PCDHA2: variants seen among roughly 807,000 people sequenced by gnomAD.
PCDHA2 encodes the protein protocadherin alpha-2.
Under a neutral mutation model 66.0 loss-of-function variants are expected in PCDHA2, and 58 were observed. That is an observed-to-expected ratio of 0.88 (90% CI 0.71 to 1.09). The LOEUF is 1.09. PCDHA2 is among the 50% of genes least tolerant of loss of function. The probability of loss-of-function intolerance (pLI) is 0.00; values close to 1 mark genes in which losing one functional copy is unlikely to be tolerated. For missense variants in PCDHA2, 1,267 were observed against 1,242.3 expected (o/e 1.02, Z -0.30); for synonymous variants, 634 against 554.0 (o/e 1.14, Z -2.03).
At chr5:141,000,857 A>G (rs1002294819) in intron 3 of PCDHA2, among the ~76,000 whole-genome samples, 7 of 152,132 alleles carry the variant, frequency 4.6e-5, no homozygotes, top group African/African-American at 1.7e-4. Context: ...GCAGTCAGCC[A>G]TGACCTCACC....
chr5:140,828,462 G>T, intron 1 of PCDHA2: 1 of 1,614,208 alleles, frequency 6.2e-7, no homozygotes, highest in Non-Finnish European at 8.5e-7. Context: ...GTGGAGGTGA[G>T]GGACATTAAC....
chr5:140,856,591 T>G (rs1554148896), intron 1 of PCDHA2: 1 of 1,597,268 alleles, frequency 6.3e-7, no homozygotes, highest in African/African-American at 1.3e-5. Flanking sequence ...TTCTTGATAT[T>G]ATAAACAAAA....
chr5:140,841,365 T>C (rs1238477201), intron 1 of PCDHA2: 13 of 1,613,134 alleles, frequency 8.1e-6, no homozygotes, highest in Non-Finnish European at 1.1e-5. Context: ...TGGCGACTAC[T>C]ACTCTTGCTT....
chr5:140,928,635 A>G lies in PCDHA2; in HGVS notation c.2389-50314A>G, dbSNP rs148091714. On this transcript the variant is annotated intron_variant, in intron 1 of 3. Transcript: ENST00000526136. ...CTGCCAGGACTGGACACTTGGTCAC[A>G]AAAGTGGTAGCAGAGGATGCTGACA... is the stretch of plus-strand genomic sequence containing the variant. 6 of 1,614,104 alleles carry G rather than the reference A, an allele frequency of 3.7e-6. No individual in the cohort carries two copies. The Middle Eastern group carries it at 4.9e-4, about 133-fold the overall frequency.
chr5:140,824,173 A>G, intron 1 of PCDHA2: 2 of 1,610,342 alleles, frequency 1.2e-6, no homozygotes, highest in Non-Finnish European at 1.7e-6. Flanking sequence ...CCAATTTTCA[A>G]ATATTAAATG....
At position 140,941,221 on chromosome 5, in the gene PCDHA2, T is replaced by TTC. The variant is rs1217645089; in HGVS notation, c.2389-37726_2389-37725dup. Among the ~76,000 whole-genome samples the TTC allele has an allele frequency of 5.2e-4, 68 of 131,640 alleles. 1 individual carries two copies. Among genetic ancestry groups the TTC allele is most frequent in the African/African-American group, 2.0e-3 (67 of 33,088 alleles). 86.4% of individuals were successfully genotyped at this position (131,640 alleles called of 152,430 possible). A position where few individuals can be genotyped will look rare whatever the true frequency, so the allele number is the denominator to read the frequency against. Reference sequence around the variant, plus strand: ...TTTCTTCCTTTCTTTCTTCCTTTCTTTCTTTCTTTCTTTCTTTCTTTCTTT... The same window carrying TTC: ...TTTCTTCCTTTCTTTCTTCCTTTCTTTCTCTTTCTTTCTTTCTTTCTTTCTTT... On this transcript the variant is annotated intron_variant, in intron 1 of 3. Transcript: ENST00000526136.
chr5:140,937,259 G>T (rs1306999153), intron 1 of PCDHA2, among the ~76,000 whole-genome samples: 1 of 151,852 alleles, frequency 6.6e-6, no homozygotes, highest in African/African-American at 2.4e-5. Context: ...GGATGGTCTC[G>T]ATCTCCTGAC....
At position 140,795,675 on chromosome 5, in the gene PCDHA2, C is replaced by T. The variant is rs1761982798; in HGVS notation, c.711C>T (p.Asp237=). The change falls in exon 1 of 4, where the codon GAC becomes GAT. Residue 237 remains aspartate (D), a synonymous_variant. Transcript: ENST00000526136. The stretch of plus-strand genomic sequence containing the variant: ...TTATTAAGGTATTAGATGTAAATGA[C>T]AATGAACCAACTTTTGCCCAATCAG... ...QILIKVLDVN[D]NEPTFAQSVY... 1 of 1,614,078 alleles carries T rather than the reference C, an allele frequency of 6.2e-7. No homozygotes were observed. Among genetic ancestry groups the T allele is most frequent in the Non-Finnish European group, 8.5e-7 (1 of 1,179,994 alleles).
rs369720251 is a variant in PCDHA2 at position 140,883,769 on chromosome 5, G to A, written c.2388+86417G>A. 9.3e-6 allele frequency: 15 copies of A among 1,612,378 alleles called. No homozygotes were observed. The South Asian group carries it at 1.2e-4, about 13-fold the overall frequency. On this transcript the variant is annotated intron_variant, in intron 1 of 3. Transcript: ENST00000526136. ...CTCGCTGGTGGAGCGGCGGGTGGGC[G>A]AGCGTGCGCTGTCGAGCTACGTGTC...
At chr5:140,860,734 GTTTTTTA>G (rs1404225189) in intron 1 of PCDHA2, 2 of 152,108 alleles carry the variant, frequency 1.3e-5, no homozygotes, top group Non-Finnish European at 2.9e-5. Context: ...TGGTTTTTTT[GTTTTTTA>G]TTTTTTATTT....
chr5:140,927,280 C>G, intron 1 of PCDHA2: 1 of 1,614,178 alleles, frequency 6.2e-7, no homozygotes, highest in Non-Finnish European at 8.5e-7. Flanking sequence ...CGGCGACGTG[C>G]AGCTGCACAT....
chr5:140,972,837 T>C (rs1328315293), intron 1 of PCDHA2, among the ~76,000 whole-genome samples: 1 of 152,004 alleles, frequency 6.6e-6, no homozygotes, highest in Non-Finnish European at 1.5e-5. Context: ...CTAATTTTTG[T>C]ATTTTTAGTA....
intron 1 of PCDHA2, among the ~76,000 whole-genome samples, chr5:140,957,852 A>T (rs968818783): frequency 6.6e-6 from 1 of 151,658 alleles, no homozygotes. Flanking sequence ...GAGTTTGTGT[A>T]TTTTTTTTCC....
chr5:140,816,593 G>A (rs1765953910), intron 1 of PCDHA2: 1 of 151,658 alleles, frequency 6.6e-6, no homozygotes, highest in South Asian at 2.1e-4. Context: ...ATTACTTTGT[G>A]TTGATATCTA....
At chr5:140,882,408 G>T in intron 1 of PCDHA2, 2 of 1,614,138 alleles carry the variant, frequency 1.2e-6, no homozygotes, top group Non-Finnish European at 8.5e-7. Flanking sequence ...TTCGTGGGCC[G>T]CATCGCTCAG....
At chr5:140,828,649 TG>T in intron 1 of PCDHA2, 1 of 1,614,100 alleles carries the variant, frequency 6.2e-7, no homozygotes, top group Non-Finnish European at 8.5e-7. Context: ...AAATAAACAG[TG>T]ATGACAATAA....
chr5:140,923,200 G>C (rs2081224774), intron 1 of PCDHA2, among the ~76,000 whole-genome samples: 1 of 152,166 alleles, frequency 6.6e-6, no homozygotes, highest in Admixed American at 6.5e-5. Flanking sequence ...AGCAATTTGG[G>C]AGGCTAAGGT....
At position 140,858,087 on chromosome 5, in the gene PCDHA2, G is replaced by C. The variant is rs782702941; in HGVS notation, c.2388+60735G>C. ...AGCCAGGCACCCAAGGCCTCGTCGC[G>C]GGCTTCAGTGGGCGTGGCGCCCGAG... On this transcript the variant is annotated intron_variant, in intron 1 of 3. Transcript: ENST00000526136. The C allele has an allele frequency of 3.8e-6, 6 of 1,597,710 alleles. 1 individual carries two copies. Among genetic ancestry groups the C allele is most frequent in the Non-Finnish European group, 5.1e-6 (6 of 1,167,710 alleles).
intron 1 of PCDHA2, chr5:140,848,627 C>A (rs2150415435): frequency 6.3e-7 from 1 of 1,593,432 alleles, no homozygotes; most frequent in Non-Finnish European, 8.6e-7. Context: ...ACGGCACCTT[C>A]GTGGGCCGCA....
Sources: allele counts gnomAD v4.1 joint callset (sites outside exome capture counted in the v4.1 genomes callset), GRCh38; gene constraint gnomAD v4.1.1; transcripts MANE v1.5; gene names NCBI Gene and HGNC (gene_info 2026-07-23, HGNC 2026-07-21).